PARD3: variants seen among roughly 807,000 people sequenced by gnomAD.
The protein encoded by PARD3 is partitioning defective 3 homolog.
In PARD3, 75 loss-of-function variants were observed where a neutral mutation model predicts 155.4. The observed-to-expected ratio is 0.48, with a 90% CI of 0.40 to 0.58. PARD3 has a LOEUF of 0.58. Among genes scored for constraint, PARD3 ranks in the 20% least tolerant of loss-of-function variants. The pLI, the probability that PARD3 is intolerant of heterozygous loss-of-function variation, is 0.00. For synonymous variants in PARD3, 576 were observed against 610.5 expected, an observed-to-expected ratio of 0.94 and a Z score of 0.83; for missense variants, 1,642 against 1,721.7, an observed-to-expected ratio of 0.95 and a Z score of 0.82.
At chr10:34,775,560 C>A (rs1446284328) in intron 1 of PARD3, among the ~76,000 whole-genome samples, 1 of 152,162 alleles carries the variant, frequency 6.6e-6, no homozygotes, top group African/African-American at 2.4e-5. Flanking sequence ...CAAGCCTGGG[C>A]AGGCAAGCAG....
intron 22 of PARD3, among the ~76,000 whole-genome samples, chr10:34,144,849 C>T (rs1328470239): frequency 6.6e-6 from 1 of 151,910 alleles, no homozygotes; most frequent in Non-Finnish European, 1.5e-5. Flanking sequence ...AATTTTTTTC[C>T]TGGAGCCCTC....
chr10:34,706,089 G>T (rs188844110), intron 1 of PARD3, among the ~76,000 whole-genome samples: 1 of 152,162 alleles, frequency 6.6e-6, no homozygotes, highest in African/African-American at 2.4e-5. Flanking sequence ...AGACTACAGC[G>T]CTGGCACAGG....
chr10:34,485,918 G>GTTTTTTT (rs66906403), intron 3 of PARD3, among the ~76,000 whole-genome samples: 3 of 95,792 alleles, frequency 3.1e-5, no homozygotes, highest in African/African-American at 4.7e-5. Context: ...AACGTTTTGG[G>GTTTTTTT]TTTTTTTTTT....
intron 1 of PARD3, among the ~76,000 whole-genome samples, chr10:34,810,057 C>A (rs1446913481): frequency 6.6e-6 from 1 of 152,202 alleles, no homozygotes; most frequent in Non-Finnish European, 1.5e-5. Context: ...CAAAAAAGCA[C>A]ATTTTCAAAA....
At chr10:34,808,027 A>G (rs1843617871) in intron 1 of PARD3, among the ~76,000 whole-genome samples, 1 of 152,220 alleles carries the variant, frequency 6.6e-6, no homozygotes, top group Non-Finnish European at 1.5e-5. Flanking sequence ...ATTTGCTAAA[A>G]TTTAGGCCAG....
chr10:34,516,121 C>T (rs533509289), intron 3 of PARD3, among the ~76,000 whole-genome samples: 258 of 152,164 alleles, frequency 1.7e-3, no homozygotes, highest in African/African-American at 4.6e-3. Flanking sequence ...ACCGCCACCA[C>T]GCCTGGCTAA....
rs770789875 is a variant in PARD3, at chr10:34,341,830, AAAG to A, written c.2219-17_2219-15del. 70 of 1,531,358 alleles carry A rather than the reference AAAG, an allele frequency of 4.6e-5. No individual in the cohort carries two copies. Among genetic ancestry groups the A allele is most frequent in the East Asian group, 3.4e-4 (15 of 43,528 alleles). The allele number at this position is 1,531,358 out of a possible 1,614,324, so 94.9% of individuals were successfully genotyped here. A position where few individuals can be genotyped will look rare whatever the true frequency, so the allele number is the denominator to read the frequency against. ...GCTGGTATTTACCTGTCCAGTGAAA[AAAG>A]AAGAAGAGAAAATTCTAGACATCGA... On this transcript the variant is annotated splice_polypyrimidine_tract_variant and intron_variant, in intron 15 of 24. Coordinates refer to ENST00000374788, the MANE Select transcript of PARD3 (RefSeq NM_001184785.2).
intron 1 of PARD3, among the ~76,000 whole-genome samples, chr10:34,767,033 C>T (rs777435475): frequency 6.6e-6 from 1 of 152,124 alleles, no homozygotes; most frequent in African/African-American, 2.4e-5. Flanking sequence ...CCCAGGACTC[C>T]TGCAGTGTCA....
intron 1 of PARD3, among the ~76,000 whole-genome samples, chr10:34,789,330 G>T (rs535156339): frequency 6.6e-6 from 1 of 152,248 alleles, no homozygotes; most frequent in South Asian, 2.1e-4. Context: ...GCGAGACATG[G>T]GAAGACACCG....
intron 5 of PARD3, among the ~76,000 whole-genome samples, chr10:34,440,591 C>T (rs1207779351): frequency 6.6e-6 from 1 of 152,142 alleles, no homozygotes; most frequent in Non-Finnish European, 1.5e-5. Flanking sequence ...TAACAGACTT[C>T]CCCTGAAGGT....
chr10:34,375,958 A>G (rs998172282), intron 10 of PARD3, among the ~76,000 whole-genome samples: 2 of 152,224 alleles, frequency 1.3e-5, no homozygotes, highest in African/African-American at 4.8e-5. Flanking sequence ...CTACGACTGC[A>G]CACATGGGCT....
chr10:34,814,731 G>C lies in PARD3; in HGVS notation c.120+145C>G, dbSNP rs935415335. The C allele has an allele frequency of 1.3e-4, 87 of 650,430 alleles. No homozygotes were observed. The African/African-American group carries it at 1.5e-3, about 11-fold the overall frequency. The allele number at this position is 650,430 out of a possible 1,614,324, so 40.3% of individuals were successfully genotyped here. A position where few individuals can be genotyped will look rare whatever the true frequency, so the allele number is the denominator to read the frequency against. On this transcript the variant is annotated intron_variant, in intron 1 of 24. Transcript: ENST00000374788. Reference sequence around the variant, plus strand: ...AACTTTGGCGCCCGCAGTCCGGGGCGGGGGGCGCCCGCGAGGCCCGACCGG... The same window carrying C: ...AACTTTGGCGCCCGCAGTCCGGGGCCGGGGGCGCCCGCGAGGCCCGACCGG...
intron 2 of PARD3, among the ~76,000 whole-genome samples, chr10:34,626,991 C>A (rs928075536): frequency 1.3e-5 from 2 of 151,470 alleles, no homozygotes; most frequent in African/African-American, 4.9e-5. Context: ...GCCAAATATT[C>A]TTTTGAATTA....
chr10:34,360,291 T>C (rs375767994), intron 12 of PARD3, 32 bp from the exon 13 acceptor site: 29 of 1,474,570 alleles, frequency 2.0e-5, no homozygotes, highest in Non-Finnish European at 2.6e-5. Context: ...CAGCACATTA[T>C]AGTCCAATGT....
chr10:34,369,027 T>TCC (rs142317551), intron 12 of PARD3, among the ~76,000 whole-genome samples: 2 of 150,422 alleles, frequency 1.3e-5, no homozygotes, highest in African/African-American at 2.5e-5. Flanking sequence ...CTTTTTTTTT[T>TCC]CCCCCCTCAA....
chr10:34,682,834 C>T (rs986196820), intron 2 of PARD3, among the ~76,000 whole-genome samples: 1 of 152,182 alleles, frequency 6.6e-6, no homozygotes, highest in Non-Finnish European at 1.5e-5. Context: ...TGCATCACTG[C>T]ACTCCAGCCT....
chr10:34,636,026 AAAAG>A (rs2092455384), intron 2 of PARD3, among the ~76,000 whole-genome samples: 2 of 152,090 alleles, frequency 1.3e-5, no homozygotes, highest in African/African-American at 2.4e-5. Flanking sequence ...TATTAAAAAA[AAAAG>A]AAGAAGAAGA....
At chr10:34,712,493 GT>G (rs2094462053) in intron 1 of PARD3, among the ~76,000 whole-genome samples, 3 of 152,168 alleles carry the variant, frequency 2.0e-5, no homozygotes, top group Non-Finnish European at 2.9e-5. Context: ...CAAGATCAAT[GT>G]TTTCAACTGT....
At chr10:34,304,004 G>C (rs750896832) in intron 20 of PARD3, among the ~76,000 whole-genome samples, 4 of 152,184 alleles carry the variant, frequency 2.6e-5, no homozygotes, top group Non-Finnish European at 5.9e-5. Flanking sequence ...AACAGGAAGA[G>C]GCAGGGAATG....
Sources: allele counts gnomAD v4.1 joint callset (sites outside exome capture counted in the v4.1 genomes callset), GRCh38; gene constraint gnomAD v4.1.1; transcripts MANE v1.5; gene names NCBI Gene and HGNC (gene_info 2026-07-23, HGNC 2026-07-21).